RHOBTB1: variants seen among roughly 807,000 people sequenced by gnomAD.
RHOBTB1 encodes Rho related BTB domain containing 1.
Under a neutral mutation model 71.6 loss-of-function variants are expected in RHOBTB1, and 40 were observed. The observed-to-expected ratio is 0.56, with a 90% CI of 0.43 to 0.73. RHOBTB1 has a LOEUF of 0.73. Among genes scored for constraint, RHOBTB1 ranks in the 30% least tolerant of loss-of-function variants. The pLI is 0.00. For missense variants in RHOBTB1, 797 were observed against 894.0 expected, an observed-to-expected ratio of 0.89 and a Z score of 1.38; for synonymous variants, 319 against 334.9, an observed-to-expected ratio of 0.95 and a Z score of 0.52.
intron 2 of RHOBTB1, among the ~76,000 whole-genome samples, chr10:60,931,502 C>A (rs527791847): frequency 2.0e-5 from 3 of 152,198 alleles, no homozygotes; most frequent in Admixed American, 1.3e-4. Flanking sequence ...TATTGTAGCA[C>A]CTTTCACTAC....
chr10:60,929,537 C>G (rs902002247), intron 2 of RHOBTB1, among the ~76,000 whole-genome samples: 5 of 151,774 alleles, frequency 3.3e-5, no homozygotes, highest in African/African-American at 1.2e-4. Context: ...CAAAAGGTAC[C>G]CAGGCTTTAA....
chr10:60,918,560 C>T (rs903264180), intron 2 of RHOBTB1, among the ~76,000 whole-genome samples: 4 of 152,078 alleles, frequency 2.6e-5, no homozygotes, highest in South Asian at 2.1e-4. Flanking sequence ...TTCAGGCAAG[C>T]GTGCAAGACT....
intron 1 of RHOBTB1, among the ~76,000 whole-genome samples, chr10:60,990,534 C>T (rs937660866): frequency 2.6e-5 from 4 of 152,158 alleles, no homozygotes; most frequent in Non-Finnish European, 5.9e-5. Flanking sequence ...TCTCTCCTGA[C>T]CAGTATTCTC....
chr10:60,894,139 A>G (rs1356216441), intron 4 of RHOBTB1, among the ~76,000 whole-genome samples: 3 of 152,224 alleles, frequency 2.0e-5, no homozygotes, highest in African/African-American at 4.8e-5. Context: ...CTACATATCA[A>G]TGAAGACAAA....
upstream of RHOBTB1, among the ~76,000 whole-genome samples, chr10:60,948,952 G>A (rs116833955): frequency 8.4e-3 from 1,272 of 152,332 alleles, 13 homozygotes; most frequent in African/African-American, 0.029. Flanking sequence ...TTTAGTGGCA[G>A]CTTCCTTGAA....
intron 2 of RHOBTB1, among the ~76,000 whole-genome samples, chr10:60,964,300 A>ATAAT (rs2085884508): frequency 6.6e-6 from 1 of 152,072 alleles, no homozygotes; most frequent in African/African-American, 2.4e-5. Context: ...GCCAGAGAGG[A>ATAAT]TACAACTGAT....
chr10:60,935,035 A>C (rs887799286), intron 2 of RHOBTB1, among the ~76,000 whole-genome samples: 2 of 152,204 alleles, frequency 1.3e-5, no homozygotes, highest in African/African-American at 4.8e-5. Context: ...TGCTATCTGT[A>C]CAAGAATGTT....
chr10:60,886,140 C>A lies in RHOBTB1; in HGVS notation c.1547G>T (p.Gly516Val). 1.9e-6 allele frequency: 3 copies of A among 1,614,002 alleles called. No homozygotes were observed. Among genetic ancestry groups the A allele is most frequent in the Non-Finnish European group, 1.7e-6 (2 of 1,179,928 alleles). The change falls in exon 7 of 11, where the codon GGG becomes GTG. Residue 516 changes from glycine to valine, a missense_variant. Physicochemically the swap from Gly to Val is moderately radical, Grantham distance 109 (BLOSUM62 -3). This residue lies in a region of RHOBTB1 where 658 missense variants were observed against 681.5 expected (regional missense o/e 0.97). Coordinates refer to ENST00000337910, the MANE Select transcript of RHOBTB1 (RefSeq NM_014836.5). Reference sequence around the variant, plus strand: ...ACTGTTGGCACTTTCCACAAATGACCCCCCGAACATGGCTGCCATCCACTC... The same window carrying A: ...ACTGTTGGCACTTTCCACAAATGACACCCCGAACATGGCTGCCATCCACTC... The part of the protein sequence containing the change: ...SCEWMAAMFG[G>V]SFVESANSEV...
chr10:60,988,942 C>T (rs1217985963), intron 1 of RHOBTB1, among the ~76,000 whole-genome samples: 3 of 152,156 alleles, frequency 2.0e-5, no homozygotes, highest in Non-Finnish European at 4.4e-5. Flanking sequence ...CCCAGCAGTG[C>T]CTTTGCTATC....
At chr10:60,960,272 A>G (rs1483304907) in intron 2 of RHOBTB1, among the ~76,000 whole-genome samples, 1 of 152,208 alleles carries the variant, frequency 6.6e-6, no homozygotes, top group African/African-American at 2.4e-5. Context: ...TGATGCTTCC[A>G]TAGAATTTCC....
chr10:60,871,708 G>C, intron 10 of RHOBTB1, 57 bp from the exon 11 acceptor site: 2 of 1,512,962 alleles, frequency 1.3e-6, no homozygotes, highest in Non-Finnish European at 1.8e-6. Flanking sequence ...CCTTTTATGT[G>C]CTAGGCCTTG....
chr10:60,933,450 G>A (rs889496281), intron 2 of RHOBTB1, among the ~76,000 whole-genome samples: 2 of 152,126 alleles, frequency 1.3e-5, no homozygotes, highest in East Asian at 1.9e-4. Flanking sequence ...GGCTGGGTGC[G>A]GTGGCTCACG....
At chr10:60,911,142 T>A (rs746956330) in intron 3 of RHOBTB1, 152 bp from the exon 4 acceptor site, 3 of 754,882 alleles carry the variant, frequency 4.0e-6, no homozygotes, top group Non-Finnish European at 4.3e-6. Context: ...CTTAATTCCC[T>A]TCCTGGAATC....
At chr10:60,991,576 G>A (rs193211370) in intron 1 of RHOBTB1, among the ~76,000 whole-genome samples, 14 of 152,012 alleles carry the variant, frequency 9.2e-5, no homozygotes, top group Admixed American at 6.6e-5. Context: ...GATTACAAGC[G>A]CATGCCACCA....
intron 5 of RHOBTB1, among the ~76,000 whole-genome samples, chr10:60,892,066 C>A (rs541094259): frequency 6.6e-6 from 1 of 152,174 alleles, no homozygotes; most frequent in Non-Finnish European, 1.5e-5. Flanking sequence ...CTGAGGCCTC[C>A]GCAGCCATGC....
At chr10:60,958,681 G>T (rs2085677410) in intron 2 of RHOBTB1, among the ~76,000 whole-genome samples, 1 of 152,128 alleles carries the variant, frequency 6.6e-6, no homozygotes, top group Non-Finnish European at 1.5e-5. Context: ...ACAGTTCACT[G>T]CCTTGACTGC....
chr10:60,915,677 C>T (rs1469391344), intron 2 of RHOBTB1, among the ~76,000 whole-genome samples: 1 of 152,160 alleles, frequency 6.6e-6, no homozygotes, highest in African/African-American at 2.4e-5. Context: ...TTCTGGTCCC[C>T]ACCACTCACA....
At chr10:60,863,150 G>A in the RHOBTB1 span, among the ~76,000 whole-genome samples, 27,530 of 152,072 alleles carry the variant, frequency 0.18, 2,786 homozygotes, top group African/African-American at 0.27. Context: ...CTGTAGATCT[G>A]TAAAATGCTG....
At chr10:60,914,331 T>C (rs1237867519) in intron 2 of RHOBTB1, among the ~76,000 whole-genome samples, 1 of 152,216 alleles carries the variant, frequency 6.6e-6, no homozygotes, top group Non-Finnish European at 1.5e-5. Context: ...GACAAGTTTC[T>C]GGTTACATTA....
Sources: gnomAD v4.1 joint callset for allele counts (sites outside exome capture counted in the v4.1 genomes callset) on GRCh38, gnomAD v4.1.1 for gene constraint, gnomAD v4.1.1 regional missense constraint, MANE v1.5 for transcripts, NCBI Gene and HGNC (gene_info 2026-07-23, HGNC 2026-07-21) for gene names.